Variants in PAK1IP1 observed in about 807,000 individuals in gnomAD.
PAK1IP1 encodes the protein p21-activated protein kinase-interacting protein 1.
A neutral mutation model predicts 42.0 loss-of-function variants in PAK1IP1; 24 were observed. The ratio of observed to expected loss-of-function variants is 0.57; its 90% CI spans 0.41 to 0.80. The LOEUF is 0.80. PAK1IP1 is among the 30% of genes least tolerant of loss of function. The pLI is 0.00. For missense variants in PAK1IP1, 411 were observed against 467.9 expected (o/e 0.88, Z 1.12); for synonymous variants, 154 against 156.7 (o/e 0.98, Z 0.13).
rs60740287 is a variant in PAK1IP1, at chr6:10,702,043, T to G, written c.248-326T>G. 5.8e-3 allele frequency among the ~76,000 whole-genome samples: 876 copies of G among 152,178 alleles called. 8 individuals carry two copies. The highest frequency in any genetic ancestry group is 0.02 in the African/African-American group (832 of 41,512). On this transcript the variant is annotated intron_variant, in intron 2 of 9. Coordinates refer to ENST00000379568, the MANE Select transcript of PAK1IP1 (RefSeq NM_017906.3). ...TGGGCCCAGGAGTTCAAGACCAGCCTGGGCAACATGGCATGGTGAAACACT... is the reference window on the plus strand; with the variant it reads ...TGGGCCCAGGAGTTCAAGACCAGCCGGGGCAACATGGCATGGTGAAACACT...
In PAK1IP1 at chr6:10,700,333, C is replaced by T. The variant is rs373499252; in HGVS notation, c.248-2036C>T. 3.9e-5 allele frequency among the ~76,000 whole-genome samples: 6 copies of T among 152,182 alleles called. No individual in the cohort carries two copies. The East Asian group carries it at 7.7e-4, about 20-fold the overall frequency. On this transcript the variant is annotated intron_variant, in intron 2 of 9. Transcript: ENST00000379568. ...TCAGCCTCCCAAAGTGCTGGGATTA[C>T]AGGCGTGAGCCACCGCGCCCTGCCA...
chr6:10,697,015 A>G (rs530041881), intron 1 of PAK1IP1, among the ~76,000 whole-genome samples: 2 of 152,364 alleles, frequency 1.3e-5, no homozygotes, highest in South Asian at 4.1e-4. Flanking sequence ...TGTAGGATCT[A>G]AAAGTCTTCC....
In PAK1IP1 at chr6:10,704,541, G is replaced by A. The variant is rs748018921; in HGVS notation, c.531G>A (p.Glu177=). ...AHIVEWSPRG[E]QYVVIIQNKI... is the part of the protein sequence containing the mutation. ...TAGTAGAATGGTCCCCAAGAGGAGA[G>A]CAGTATGTAGTTATCATACAGAATA... The change falls in exon 6 of 10, where the codon GAG becomes GAA. Residue 177 remains glutamate, a synonymous_variant. Coordinates refer to ENST00000379568, the MANE Select transcript of PAK1IP1 (RefSeq NM_017906.3). 2.5e-6 allele frequency: 4 copies of A among 1,596,328 alleles called. No individual in the cohort carries two copies. Among genetic ancestry groups the A allele is most frequent in the Non-Finnish European group, 3.4e-6 (4 of 1,165,886 alleles).
intron 4 of PAK1IP1, among the ~76,000 whole-genome samples, chr6:10,702,959 A>G (rs1293063456): frequency 6.6e-6 from 1 of 151,674 alleles, no homozygotes; most frequent in Non-Finnish European, 1.5e-5. Flanking sequence ...GGCGCCCACC[A>G]CCACGCCCGG....
At chr6:10,695,195 A>G (rs1486595102) in intron 1 of PAK1IP1, 126 bp downstream of exon 1, 3 of 629,276 alleles carry the variant, frequency 4.8e-6, no homozygotes, top group East Asian at 5.3e-5. Flanking sequence ...ATCAAACCTA[A>G]GAGACTTAAG....
upstream of PAK1IP1, among the ~76,000 whole-genome samples, chr6:10,692,266 T>G (rs1769386416): frequency 6.6e-6 from 1 of 152,226 alleles, no homozygotes; most frequent in Non-Finnish European, 1.5e-5. Flanking sequence ...ATGTGAAACT[T>G]ACAATGTCCT....
At chr6:10,693,927 A>G (rs1022418885), upstream of PAK1IP1, among the ~76,000 whole-genome samples, 1 of 152,112 alleles carries the variant, frequency 6.6e-6, no homozygotes, top group African/African-American at 2.4e-5. Context: ...CGGCATCAAA[A>G]TATGTTGCTC....
intron 2 of PAK1IP1, among the ~76,000 whole-genome samples, chr6:10,700,571 G>A (rs527679221): frequency 6.6e-6 from 1 of 152,306 alleles, no homozygotes; most frequent in South Asian, 2.1e-4. Context: ...ATCAGAAGCT[G>A]AGCTTTGAGT....
At chr6:10,697,587 G>T (rs541412118) in intron 2 of PAK1IP1, 101 bp downstream of exon 2, 71 of 930,874 alleles carry the variant, frequency 7.6e-5, no homozygotes, top group Non-Finnish European at 1.1e-4. Context: ...CAGATTCTTT[G>T]CTAGAAGATA....
intron 2 of PAK1IP1, among the ~76,000 whole-genome samples, chr6:10,700,821 C>A (rs1383452917): frequency 1.3e-5 from 2 of 151,406 alleles, no homozygotes; most frequent in Middle Eastern, 6.8e-3. Context: ...TTTCTTTTTT[C>A]TTTTTTTCCT....
At chr6:10,694,327 T>C (rs1416421466), upstream of PAK1IP1, among the ~76,000 whole-genome samples, 1 of 148,150 alleles carries the variant, frequency 6.7e-6, no homozygotes, top group Non-Finnish European at 1.5e-5. Flanking sequence ...CCTTGGCCAA[T>C]ACAGCCCCAG....
chr6:10,695,193 TAA>T (rs908543408), intron 1 of PAK1IP1, 124 bp downstream of exon 1: 8 of 628,168 alleles, frequency 1.3e-5, no homozygotes, highest in Non-Finnish European at 2.3e-5. Flanking sequence ...GAATCAAACC[TAA>T]GAGACTTAAG....
chr6:10,705,046 C>T (rs1770157781), intron 7 of PAK1IP1, among the ~76,000 whole-genome samples: 1 of 151,998 alleles, frequency 6.6e-6, no homozygotes, highest in African/African-American at 2.4e-5. Flanking sequence ...AAAAGTGGGC[C>T]GGGAGCAGTA....
chr6:10,692,661 G>T (rs1298410076), upstream of PAK1IP1, among the ~76,000 whole-genome samples: 1 of 152,050 alleles, frequency 6.6e-6, no homozygotes, highest in Non-Finnish European at 1.5e-5. Context: ...GGATGGTCTC[G>T]ATCTCTTGAT....
chr6:10,700,071 G>A (rs1441698879), intron 2 of PAK1IP1, among the ~76,000 whole-genome samples: 3 of 151,312 alleles, frequency 2.0e-5, no homozygotes, highest in Non-Finnish European at 2.9e-5. Context: ...TTTTTTTGGC[G>A]GGGGCGGGGG....
intron 2 of PAK1IP1, among the ~76,000 whole-genome samples, chr6:10,699,124 T>C (rs111832681): frequency 0.086 from 12,077 of 141,220 alleles, 1,450 homozygotes; most frequent in African/African-American, 0.28. Context: ...CGCTTGAACC[T>C]GGGGAGGCAG....
At chr6:10,697,214 T>C (rs1268123708) in intron 1 of PAK1IP1, 110 bp from the exon 2 acceptor site, 1 of 869,854 alleles carries the variant, frequency 1.1e-6, no homozygotes, top group African/African-American at 1.7e-5. Flanking sequence ...GAATGATTTA[T>C]CTTTTCAGAA....
chr6:10,691,293 C>CA (rs1769277906), upstream of PAK1IP1, among the ~76,000 whole-genome samples: 1 of 152,152 alleles, frequency 6.6e-6, no homozygotes, highest in South Asian at 2.1e-4. Flanking sequence ...CGGCAAGACT[C>CA]ACGTCTCCAA....
At chr6:10,691,550 G>C (rs1769309826), upstream of PAK1IP1, among the ~76,000 whole-genome samples, 1 of 152,080 alleles carries the variant, frequency 6.6e-6, no homozygotes, top group South Asian at 2.1e-4. Flanking sequence ...GGCCCAGAGT[G>C]TGGTGCCGAG....
Sources: gnomAD v4.1 joint callset for allele counts (sites outside exome capture counted in the v4.1 genomes callset) on GRCh38, gnomAD v4.1.1 for gene constraint, MANE v1.5 for transcripts, NCBI Gene and HGNC (gene_info 2026-07-23, HGNC 2026-07-21) for gene names.